TENM3: variants seen among roughly 807,000 people sequenced by gnomAD.
TENM3 encodes the protein teneurin transmembrane protein 3, also known as teneurin-3.
In TENM3, 63 loss-of-function variants were observed where a neutral mutation model predicts 255.1. The ratio of observed to expected loss-of-function variants is 0.25; its 90% confidence interval spans 0.20 to 0.30. The LOEUF is 0.30. Ranked by LOEUF, TENM3 falls within the 10% of genes least tolerant of loss-of-function variation. TENM3 has a pLI of 1.00. For missense variants in TENM3, 2,929 were observed against 3,461.1 expected, an observed-to-expected ratio of 0.85 and a Z score of 3.86; for synonymous variants, 1,306 against 1,322.3, an observed-to-expected ratio of 0.99 and a Z score of 0.27.
At chr4:182,111,249 G>A in the TENM3 span, among the ~76,000 whole-genome samples, 12 of 132,750 alleles carry the variant, frequency 9.0e-5, no homozygotes, top group African/African-American at 3.5e-4. Context: ...CAGTCTGACA[G>A]GTAAATCAGC....
the TENM3 span, among the ~76,000 whole-genome samples, chr4:181,891,452 T>C: frequency 6.6e-6 from 1 of 152,150 alleles, no homozygotes; most frequent in Non-Finnish European, 1.5e-5. Flanking sequence ...CGTGATTCCC[T>C]CCTTCACAAC....
chr4:181,800,134 A>G, the TENM3 span, among the ~76,000 whole-genome samples: 3 of 152,164 alleles, frequency 2.0e-5, no homozygotes, highest in Admixed American at 6.5e-5. Flanking sequence ...AAAAACAATA[A>G]TGGTAATGAG....
chr4:182,747,537 T>C (rs1762090547), intron 19 of TENM3, among the ~76,000 whole-genome samples: 1 of 152,228 alleles, frequency 6.6e-6, no homozygotes, highest in African/African-American at 2.4e-5. Flanking sequence ...ATAGTATTAG[T>C]TTGCTAAGGA....
At chr4:181,726,228 A>C in the TENM3 span, among the ~76,000 whole-genome samples, 1 of 152,218 alleles carries the variant, frequency 6.6e-6, no homozygotes, top group Non-Finnish European at 1.5e-5. Context: ...CATAATTTTT[A>C]ACCACCTACT....
chr4:181,653,879 A>G, the TENM3 span, among the ~76,000 whole-genome samples: 6 of 151,588 alleles, frequency 4.0e-5, no homozygotes, highest in Admixed American at 2.6e-4. Context: ...CGACCCAGCA[A>G]CAGACCCCGG....
At chr4:181,658,269 A>G in the TENM3 span, among the ~76,000 whole-genome samples, 8 of 152,200 alleles carry the variant, frequency 5.3e-5, no homozygotes, top group African/African-American at 1.7e-4. Context: ...CTTTCATACT[A>G]CCTGTTAAAC....
chr4:181,750,926 A>G, the TENM3 span, among the ~76,000 whole-genome samples: 1 of 152,092 alleles, frequency 6.6e-6, no homozygotes, highest in Non-Finnish European at 1.5e-5. Context: ...CTTTGTTTTA[A>G]TTTTCATACC....
the TENM3 span, among the ~76,000 whole-genome samples, chr4:181,792,961 C>T: frequency 4.6e-5 from 7 of 151,230 alleles, no homozygotes; most frequent in African/African-American, 1.2e-4. Context: ...AAGTTATAGA[C>T]GGTTTTTTTT....
chr4:182,785,958 C>T (rs536308302), intron 24 of TENM3, among the ~76,000 whole-genome samples: 10 of 152,148 alleles, frequency 6.6e-5, no homozygotes, highest in South Asian at 6.2e-4. Context: ...TGAAATGTTC[C>T]GTACTGAATA....
At chr4:181,984,789 CGTGTGTGTGTGTGTGT>C in the TENM3 span, among the ~76,000 whole-genome samples, 101 of 138,588 alleles carry the variant, frequency 7.3e-4, 1 homozygote, top group African/African-American at 2.1e-3. Flanking sequence ...CTAAAAGAGT[CGTGTGTGTGTGTGTGT>C]GTGTGTGTGT....
At chr4:181,534,134 T>C in the TENM3 span, among the ~76,000 whole-genome samples, 164 of 151,424 alleles carry the variant, frequency 1.1e-3, 3 homozygotes, top group Non-Finnish European at 3.8e-4. Context: ...CTCATGCCTG[T>C]AATCCCAGCA....
chr4:182,081,990 G>A, the TENM3 span, among the ~76,000 whole-genome samples: 49 of 152,184 alleles, frequency 3.2e-4, no homozygotes, highest in Non-Finnish European at 5.0e-4. Flanking sequence ...AGAGAGTTTG[G>A]GGTAGATATA....
the TENM3 span, among the ~76,000 whole-genome samples, chr4:181,874,960 T>C: frequency 6.6e-6 from 1 of 152,354 alleles, no homozygotes; most frequent in East Asian, 1.9e-4. Context: ...TCCATACAGT[T>C]ATTGTATATA....
intron 12 of TENM3, among the ~76,000 whole-genome samples, chr4:182,705,137 G>A (rs1166446677): frequency 6.6e-6 from 1 of 152,156 alleles, no homozygotes; most frequent in East Asian, 1.9e-4. Context: ...TTAAACAGTT[G>A]CTGATTGGAA....
the TENM3 span, among the ~76,000 whole-genome samples, chr4:181,750,306 G>A: frequency 2.0e-5 from 3 of 152,214 alleles, no homozygotes; most frequent in Middle Eastern, 3.4e-3. Context: ...TTGGTGCCTA[G>A]TATGTGTCCT....
chr4:181,826,445 G>A, the TENM3 span, among the ~76,000 whole-genome samples: 1 of 152,134 alleles, frequency 6.6e-6, no homozygotes, highest in African/African-American at 2.4e-5. Context: ...CAAAGTTTCT[G>A]GATTGACAGC....
At chr4:181,760,989 C>CAG in the TENM3 span, among the ~76,000 whole-genome samples, 1 of 117,358 alleles carries the variant, frequency 8.5e-6, no homozygotes, top group Admixed American at 1.0e-4. Context: ...CACACACACA[C>CAG]ACACACACAC....
the TENM3 span, among the ~76,000 whole-genome samples, chr4:181,801,649 AAAATATATATATATAT>A: frequency 8.7e-3 from 988 of 113,402 alleles, 7 homozygotes; most frequent in Middle Eastern, 0.035. Context: ...AAAGAATTGT[AAAATATATATATATAT>A]ATATATATAT....
chr4:182,456,497 A>G (rs1013196768), intron 3 of TENM3, among the ~76,000 whole-genome samples: 1 of 152,214 alleles, frequency 6.6e-6, no homozygotes, highest in Non-Finnish European at 1.5e-5. Context: ...GCAAAATGTT[A>G]ATTTCCACAA....
Sources: gnomAD v4.1 joint callset for allele counts (sites outside exome capture counted in the v4.1 genomes callset) on GRCh38, gnomAD v4.1.1 for gene constraint, MANE v1.5 for transcripts, NCBI Gene and HGNC (gene_info 2026-07-23, HGNC 2026-07-21) for gene names.